DDX59: variants seen among roughly 807,000 people sequenced by gnomAD.
The protein encoded by DDX59 is probable ATP-dependent RNA helicase DDX59.
Under a neutral mutation model 51.9 loss-of-function variants are expected in DDX59, and 30 were observed. That is an observed-to-expected ratio of 0.58 (90% CI 0.43 to 0.78). The LOEUF is 0.78. DDX59 is among the 30% of genes least tolerant of loss of function. The pLI is 0.00. For synonymous variants in DDX59, 255 were observed against 253.3 expected (o/e 1.01, Z -0.06); for missense variants, 672 against 730.8 (o/e 0.92, Z 0.93).
At chr1:200,654,286 G>A (rs141523099) in intron 4 of DDX59, among the ~76,000 whole-genome samples, 2,641 of 152,126 alleles carry the variant, frequency 0.017, 82 homozygotes, top group African/African-American at 0.06. Flanking sequence ...GGTGGTGGGC[G>A]CCTGTAGTCC....
intron 4 of DDX59, among the ~76,000 whole-genome samples, chr1:200,656,631 G>A (rs1347863191): frequency 1.3e-5 from 2 of 152,230 alleles, no homozygotes; most frequent in Non-Finnish European, 2.9e-5. Flanking sequence ...CTGGGACACA[G>A]GCTGCACATA....
At chr1:200,659,280 A>T (rs957893921) in intron 3 of DDX59, among the ~76,000 whole-genome samples, 164 bp from the exon 4 acceptor site, 1 of 152,264 alleles carries the variant, frequency 6.6e-6, no homozygotes, top group Admixed American at 6.5e-5. Flanking sequence ...GAAACTTGTA[A>T]TACAAAGGAA....
rs761076709 is a variant in DDX59 at position 200,666,342 on chromosome 1, C to T, written c.399G>A (p.Ala133=). The change falls in exon 2 of 8, where the codon GCG becomes GCA. Residue 133 remains alanine, a synonymous_variant. Coordinates refer to ENST00000331314, the MANE Select transcript of DDX59 (RefSeq NM_001031725.6). The part of the protein sequence containing the change: ...DEDVCSLECK[A]KHLLQVKEKE... Reference sequence around the variant, plus strand: ...TTTCCTTAACTTGTAGAAGATGTTTCGCTTTACACTCCAAACTACACACAT... The same window carrying T: ...TTTCCTTAACTTGTAGAAGATGTTTTGCTTTACACTCCAAACTACACACAT... 5.6e-6 allele frequency: 9 copies of T among 1,614,152 alleles called. No homozygotes were observed. The highest frequency in any genetic ancestry group is 5.5e-5 in the South Asian group (5 of 91,074).
intron 6 of DDX59, among the ~76,000 whole-genome samples, 181 bp downstream of exon 6, chr1:200,648,893 T>C (rs1420254329): frequency 6.6e-6 from 1 of 152,184 alleles, no homozygotes. Flanking sequence ...GAACAGGCTA[T>C]TGCTCCCCAA....
At position 200,649,246 on chromosome 1, in the gene DDX59, T is replaced by C. The variant is rs912774739; in HGVS notation, c.1315-20A>G. ...CTTATCCTGAAAAATTAAAAACATATATCAAAAATTATTCATATAAAATAA... is the reference window on the plus strand; with the variant it reads ...CTTATCCTGAAAAATTAAAAACATACATCAAAAATTATTCATATAAAATAA... On this transcript the variant is annotated intron_variant, in intron 5 of 7. Coordinates refer to ENST00000331314, the MANE Select transcript of DDX59 (RefSeq NM_001031725.6). 6.5e-7 allele frequency: 1 copy of C among 1,541,400 alleles called. No homozygotes were observed. Among genetic ancestry groups the C allele is most frequent in the Non-Finnish European group, 8.7e-7 (1 of 1,147,426 alleles).
In DDX59 at chr1:200,666,671, T is replaced by C. The variant is rs774555132; in HGVS notation, c.70A>G (p.Ile24Val). Residue 24 changes from isoleucine to valine, a missense_variant, in exon 2 of 8, where the codon ATA becomes GTA. Ile to Val is a conservative substitution (Grantham distance 29). Coordinates refer to ENST00000331314, the MANE Select transcript of DDX59 (RefSeq NM_001031725.6). ...AGGTCTTCTGGGTCTGGTTTAATTATCTTAGCCACACAACTTTTGCCATCA... is the reference window on the plus strand; with the variant it reads ...AGGTCTTCTGGGTCTGGTTTAATTACCTTAGCCACACAACTTTTGCCATCA... Reference protein sequence around the residue: ...NDDGKSCVAKIIKPDPEDLQL... With the variant: ...NDDGKSCVAKVIKPDPEDLQL... 9.3e-6 allele frequency: 15 copies of C among 1,614,100 alleles called. No homozygotes were observed. In the East Asian group the frequency reaches 1.3e-4, roughly 14 times the overall value.
chr1:200,668,881 A>C (rs1332855023), intron 1 of DDX59, among the ~76,000 whole-genome samples: 1 of 152,122 alleles, frequency 6.6e-6, no homozygotes, highest in Non-Finnish European at 1.5e-5. Flanking sequence ...TCTTTAGATA[A>C]CCTCAACCAG....
chr1:200,657,077 C>T (rs1005115922), intron 4 of DDX59, among the ~76,000 whole-genome samples: 1 of 151,844 alleles, frequency 6.6e-6, no homozygotes, highest in African/African-American at 2.4e-5. Context: ...TGGTAAAACT[C>T]TGTCTCAACT....
chr1:200,644,612 C>A (rs1661178227), intron 7 of DDX59, 95 bp from the exon 8 acceptor site: 2 of 1,430,814 alleles, frequency 1.4e-6, no homozygotes, highest in Admixed American at 5.4e-5. Context: ...AGTAGCATTA[C>A]TGGCTGGGTG....
At chr1:200,667,806 A>AAT (rs139382495) in intron 1 of DDX59, among the ~76,000 whole-genome samples, 58 of 151,550 alleles carry the variant, frequency 3.8e-4, no homozygotes, top group Middle Eastern at 3.4e-3. Context: ...AGCATTGCCT[A>AAT]ATATATATAT....
intron 3 of DDX59, among the ~76,000 whole-genome samples, chr1:200,662,632 G>A (rs1662450468): frequency 6.6e-6 from 1 of 152,100 alleles, no homozygotes; most frequent in Admixed American, 6.6e-5. Flanking sequence ...CTCCAGCCTG[G>A]GCAACTAGAG....
intron 3 of DDX59, among the ~76,000 whole-genome samples, chr1:200,662,026 G>A (rs1662408014): frequency 6.6e-6 from 1 of 152,138 alleles, no homozygotes; most frequent in Non-Finnish European, 1.5e-5. Flanking sequence ...GCCACGTGAA[G>A]CTCCTCGCAC....
Position 200,666,396 on chromosome 1 carries a change from T to C in DDX59, c.345A>G (p.Gly115=). ...CATCTGTCTTATCACAGATATACTC[T>C]CCATAACGACCACAGACAACACAGA... ...EPICVVCGRY[G]EYICDKTDED... Residue 115 remains glycine (G), a synonymous_variant, in exon 2 of 8, where the codon GGA becomes GGG. Transcript: ENST00000331314. The C allele has an allele frequency of 6.2e-7, 1 of 1,614,182 alleles. No individual in the cohort carries two copies. The highest frequency in any genetic ancestry group is 1.1e-5 in the South Asian group (1 of 91,084).
In DDX59 at chr1:200,666,351, C is replaced by T; in HGVS notation, c.390G>A (p.Glu130=). The change falls in exon 2 of 8, where the codon GAG becomes GAA. Residue 130 remains glutamate, a synonymous_variant. Coordinates refer to ENST00000331314, the MANE Select transcript of DDX59 (RefSeq NM_001031725.6). The part of the protein sequence containing the change: ...DKTDEDVCSL[E]CKAKHLLQVK... Reference sequence around the variant, plus strand: ...CTTGTAGAAGATGTTTCGCTTTACACTCCAAACTACACACATCTTCATCTG... The same window carrying T: ...CTTGTAGAAGATGTTTCGCTTTACATTCCAAACTACACACATCTTCATCTG... The T allele has an allele frequency of 6.2e-7, 1 of 1,614,268 alleles. No homozygotes were observed. The highest frequency in any genetic ancestry group is 8.5e-7 in the Non-Finnish European group (1 of 1,180,056).
chr1:200,669,262 A>C (rs1271001741), intron 1 of DDX59, among the ~76,000 whole-genome samples: 4 of 152,118 alleles, frequency 2.6e-5, no homozygotes, highest in Non-Finnish European at 5.9e-5. Context: ...CTTTGTTTAA[A>C]CTGCCAGATT....
chr1:200,641,770 C>T (rs1437729905), downstream of DDX59, among the ~76,000 whole-genome samples: 1 of 151,594 alleles, frequency 6.6e-6, no homozygotes, highest in Non-Finnish European at 1.5e-5. Context: ...TTTGGGAGGT[C>T]GAGGTGGGTG....
Position 200,644,202 on chromosome 1 carries a change from ATT to A in DDX59, c.*50_*51del. ...TACATTTCCATTTATGCAAACCATA[ATT>A]TTTTGCTGACTATATACAATAAAAA... On this transcript the variant is annotated 3_prime_UTR_variant, in exon 8 of 8. Transcript: ENST00000331314. 7.7e-7 allele frequency: 1 copy of A among 1,303,158 alleles called. No individual in the cohort carries two copies. The highest frequency in any genetic ancestry group is 9.9e-7 in the Non-Finnish European group (1 of 1,010,690). 80.7% of individuals were successfully genotyped at this position (1,303,158 alleles called of 1,614,324 possible).
At position 200,644,161 on chromosome 1, in the gene DDX59, A is replaced by G; in HGVS notation, c.*93T>C. ...TTTATTAAATTAAAAATATCTTAAA[A>G]TTTTTAAAATTCATGTACATTTCCA... On this transcript the variant is annotated 3_prime_UTR_variant, in exon 8 of 8. Coordinates refer to ENST00000331314, the MANE Select transcript of DDX59 (RefSeq NM_001031725.6). 1 of 1,015,080 alleles carries G rather than the reference A, an allele frequency of 9.9e-7. No individual in the cohort carries two copies. The highest frequency in any genetic ancestry group is 1.3e-6 in the Non-Finnish European group (1 of 788,022). The allele number at this position is 1,015,080 out of a possible 1,614,324, so 62.9% of individuals were successfully genotyped here. A position where few individuals can be genotyped will look rare whatever the true frequency, so the allele number is the denominator to read the frequency against.
chr1:200,666,275 A>T lies in DDX59; in HGVS notation c.466T>A (p.Ser156Thr). The change falls in exon 2 of 8, where the codon TCT (serine) becomes ACT (threonine). Residue 156 changes from serine (S) to threonine (T), a missense_variant. Physicochemically the swap from Ser to Thr is moderately conservative, Grantham distance 58 (BLOSUM62 1). Transcript: ENST00000331314. ...SKLSNPQKADSEPESPLNASY... is the reference protein window; with the variant it reads ...SKLSNPQKADTEPESPLNASY... ...GCATTCAGTGGAGACTCTGGCTCAG[A>T]ATCAGCCTTCTGTGGATTGCTGAGT... The T allele has an allele frequency of 6.2e-7, 1 of 1,614,216 alleles. No individual in the cohort carries two copies. Among genetic ancestry groups the T allele is most frequent in the Non-Finnish European group, 8.5e-7 (1 of 1,180,040 alleles).
Sources: allele counts gnomAD v4.1 joint callset (sites outside exome capture counted in the v4.1 genomes callset), GRCh38; gene constraint gnomAD v4.1.1; transcripts MANE v1.5; gene names NCBI Gene and HGNC (gene_info 2026-07-23, HGNC 2026-07-21).